ACTR3C: variants seen among roughly 807,000 people sequenced by gnomAD.
The protein encoded by ACTR3C is actin-related protein 3C.
A neutral mutation model predicts 26.3 loss-of-function variants in ACTR3C; 18 were observed. The ratio of observed to expected loss-of-function variants is 0.68; its 90% CI spans 0.47 to 1.01. The LOEUF (loss-of-function observed/expected upper bound fraction) is 1.01. Ranked by LOEUF, ACTR3C falls within the 50% of genes least tolerant of loss-of-function variation. ACTR3C has a pLI of 0.00. For missense variants in ACTR3C, 184 were observed against 250.7 expected, an observed-to-expected ratio of 0.73 and a Z score of 1.80; for synonymous variants, 55 against 94.5, an observed-to-expected ratio of 0.58 and a Z score of 2.42.
At chr7:150,029,236 C>T in the ACTR3C span, among the ~76,000 whole-genome samples, 174 of 151,354 alleles carry the variant, frequency 1.1e-3, 3 homozygotes, top group African/African-American at 3.9e-3. Context: ...ACTAAGCCAT[C>T]GCCAAATTCT....
the ACTR3C span, among the ~76,000 whole-genome samples, chr7:150,075,710 G>A: frequency 6.6e-6 from 1 of 152,156 alleles, no homozygotes; most frequent in Non-Finnish European, 1.5e-5. Context: ...TCTCCCATGT[G>A]GCTGAATCCA....
chr7:150,148,160 AAAAAG>A, the ACTR3C span, among the ~76,000 whole-genome samples: 2 of 146,662 alleles, frequency 1.4e-5, no homozygotes, highest in South Asian at 2.1e-4. Flanking sequence ...AGTTAAAAAA[AAAAAG>A]AAAAGAAAAG....
At chr7:150,224,868 A>G in the ACTR3C span, among the ~76,000 whole-genome samples, 1 of 152,126 alleles carries the variant, frequency 6.6e-6, no homozygotes, top group Non-Finnish European at 1.5e-5. Context: ...ACTATAAAGC[A>G]TGGGTTTATG....
At chr7:150,089,625 C>T in the ACTR3C span, among the ~76,000 whole-genome samples, 2 of 152,300 alleles carry the variant, frequency 1.3e-5, no homozygotes, top group East Asian at 3.9e-4. Context: ...CTGCACTCAA[C>T]AACATTCTCA....
chr7:150,309,425 C>A (rs1235840745), intron 1 of ACTR3C, among the ~76,000 whole-genome samples: 2 of 152,178 alleles, frequency 1.3e-5, no homozygotes, highest in Non-Finnish European at 2.9e-5. Context: ...CCCTCAAACC[C>A]CACAACAGGA....
the ACTR3C span, among the ~76,000 whole-genome samples, chr7:150,143,681 C>T: frequency 1.8e-4 from 27 of 152,076 alleles, no homozygotes; most frequent in African/African-American, 6.0e-4. Context: ...GCGAGGCTGC[C>T]GGGGACTGGG....
chr7:150,047,747 G>A, the ACTR3C span: 23 of 1,471,134 alleles, frequency 1.6e-5, no homozygotes, highest in Non-Finnish European at 2.1e-5. Flanking sequence ...CTGCGCCGCC[G>A]TCCTCCTCGG....
the ACTR3C span, among the ~76,000 whole-genome samples, chr7:150,064,449 C>T: frequency 6.9e-6 from 1 of 145,842 alleles, no homozygotes; most frequent in Non-Finnish European, 1.5e-5. Context: ...CCTGTAATCC[C>T]AGCTACTGGC....
the ACTR3C span, among the ~76,000 whole-genome samples, chr7:150,135,052 G>A: frequency 4.6e-5 from 7 of 152,290 alleles, no homozygotes; most frequent in South Asian, 1.0e-3. Context: ...TCTCGGCCTC[G>A]CAAAGTGCTG....
chr7:150,292,000 C>T (rs1236456124), intron 3 of ACTR3C, among the ~76,000 whole-genome samples: 3 of 151,062 alleles, frequency 2.0e-5, no homozygotes, highest in African/African-American at 4.9e-5. Context: ...GACCATTAAG[C>T]CTTTCCTCTG....
At chr7:150,131,961 G>A in the ACTR3C span, among the ~76,000 whole-genome samples, 1 of 152,206 alleles carries the variant, frequency 6.6e-6, no homozygotes, top group African/African-American at 2.4e-5. Context: ...CATGAAAGAG[G>A]ACACCATGTA....
chr7:149,940,979 C>A, the ACTR3C span, among the ~76,000 whole-genome samples: 1 of 151,980 alleles, frequency 6.6e-6, no homozygotes, highest in African/African-American at 2.4e-5. Context: ...AAGGATGACA[C>A]CATCCTTGGT....
At chr7:149,888,409 A>T in the ACTR3C span, among the ~76,000 whole-genome samples, 1 of 152,252 alleles carries the variant, frequency 6.6e-6, no homozygotes, top group Non-Finnish European at 1.5e-5. Flanking sequence ...ACCTTGTGGC[A>T]TGAGCCACAG....
chr7:150,065,950 A>G, the ACTR3C span, among the ~76,000 whole-genome samples: 2 of 151,930 alleles, frequency 1.3e-5, no homozygotes, highest in African/African-American at 4.8e-5. Flanking sequence ...ACATACTCCC[A>G]TGCAGTGAAG....
chr7:150,163,099 G>A, the ACTR3C span, among the ~76,000 whole-genome samples: 68 of 151,502 alleles, frequency 4.5e-4, no homozygotes, highest in Admixed American at 5.2e-4. Context: ...GGTTGCAGCA[G>A]GTCGAGATCA....
chr7:150,141,110 GA>G, the ACTR3C span, among the ~76,000 whole-genome samples: 1 of 152,250 alleles, frequency 6.6e-6, no homozygotes, highest in African/African-American at 2.4e-5. Flanking sequence ...AGAAAAGCTG[GA>G]AGCTAGCAAA....
At chr7:150,046,098 C>T in the ACTR3C span, among the ~76,000 whole-genome samples, 1 of 152,134 alleles carries the variant, frequency 6.6e-6, no homozygotes, top group Non-Finnish European at 1.5e-5. Context: ...GACTATTGAA[C>T]CAGGGGAGTC....
chr7:150,289,250 C>G (rs1584937181), intron 4 of ACTR3C, among the ~76,000 whole-genome samples, 200 bp downstream of exon 4: 1 of 151,950 alleles, frequency 6.6e-6, no homozygotes, highest in East Asian at 1.9e-4. Context: ...TCAGTGACAG[C>G]TGGAACCTCA....
the ACTR3C span, among the ~76,000 whole-genome samples, chr7:149,889,189 A>G: frequency 1.3e-5 from 2 of 152,212 alleles, no homozygotes; most frequent in African/African-American, 4.8e-5. Context: ...AAAGTGGGCA[A>G]ATTTGAACTC....
Sources: allele counts gnomAD v4.1 joint callset (sites outside exome capture counted in the v4.1 genomes callset), GRCh38; gene constraint gnomAD v4.1.1; transcripts MANE v1.5; gene names NCBI Gene and HGNC (gene_info 2026-07-23, HGNC 2026-07-21).